The following UGT1A4 variants were observed in gnomAD, a reference collection of about 807,000 sequenced individuals.
UGT1A4 encodes UDP-glucuronosyltransferase 1A4.
UGT1A4 carries 32 observed loss-of-function variants against 41.1 expected under a neutral mutation model. The ratio of observed to expected loss-of-function variants is 0.78; its 90% CI spans 0.59 to 1.05. The LOEUF (loss-of-function observed/expected upper bound fraction) is 1.05, where lower values mean the gene tolerates loss of function less well. UGT1A4 is among the 50% of genes least tolerant of loss of function. UGT1A4 has a pLI of 0.00. For synonymous variants in UGT1A4, 283 were observed against 265.1 expected, an observed-to-expected ratio of 1.07 and a Z score of -0.66; for missense variants, 748 against 677.4, an observed-to-expected ratio of 1.10 and a Z score of -1.16.
chr2:233,734,458 A>G lies in UGT1A4; in HGVS notation c.867+14771A>G, dbSNP rs561790564. On this transcript the variant is annotated intron_variant, in intron 1 of 4. Coordinates refer to ENST00000373409, the MANE Select transcript of UGT1A4 (RefSeq NM_007120.3). ...TGCCAGAGGTCTATCAATTTTCAAAATCCATCTCCTGGATTCATTGATTTT... is the reference window on the plus strand; with the variant it reads ...TGCCAGAGGTCTATCAATTTTCAAAGTCCATCTCCTGGATTCATTGATTTT... 1.5e-3 allele frequency among the ~76,000 whole-genome samples: 233 copies of G among 152,160 alleles called. 2 individuals carry two copies. The highest frequency in any genetic ancestry group is 5.3e-3 in the African/African-American group (218 of 41,522).
chr2:233,732,755 G>GA (rs1553614027), intron 1 of UGT1A4, among the ~76,000 whole-genome samples: 1 of 120,226 alleles, frequency 8.3e-6, no homozygotes, highest in Non-Finnish European at 1.8e-5. Flanking sequence ...CACCAGCTTT[G>GA]TTTTTTTTTT....
intron 4 of UGT1A4, 143 bp downstream of exon 4, chr2:233,768,582 CTTTTTTTTTTT>C (rs139595073): frequency 1.7e-3 from 1,723 of 1,029,514 alleles, no homozygotes; most frequent in Middle Eastern, 4.0e-3. Flanking sequence ...TTTATTTCTT[CTTTTTTTTTTT>C]TTTTTTTTTT....
chr2:233,750,415 A>C (rs2885296), intron 1 of UGT1A4, among the ~76,000 whole-genome samples: 45,966 of 151,754 alleles, frequency 0.3, 7,352 homozygotes, highest in South Asian at 0.39. Context: ...CATGTGGTAG[A>C]AAAGAAAAAC....
chr2:233,762,997 ATCATT>A (rs1212266483), intron 1 of UGT1A4, among the ~76,000 whole-genome samples: 2 of 152,206 alleles, frequency 1.3e-5, no homozygotes, highest in African/African-American at 4.8e-5. Context: ...GAAATTGATT[ATCATT>A]TCATTATTTT....
At position 233,772,856 on chromosome 2, in the gene UGT1A4, A is replaced by G; in HGVS notation, c.*297A>G. On this transcript the variant is annotated 3_prime_UTR_variant, in exon 5 of 5. Transcript: ENST00000373409. ...TCTAGATTACTTTTCTTACTCTGAA[A>G]CATGGCCTGTTTGGGAGTGCGGGAT... The G allele has an allele frequency of 2.7e-6, 2 of 727,580 alleles. No individual in the cohort carries two copies. The highest frequency in any genetic ancestry group is 4.2e-5 in the South Asian group (2 of 48,166). The allele number at this position is 727,580 out of a possible 1,614,324, so 45.1% of individuals were successfully genotyped here.
chr2:233,766,981 G>C lies in UGT1A4; in HGVS notation c.868-53G>C, dbSNP rs1699300845. On this transcript the variant is annotated intron_variant, in intron 1 of 4. Coordinates refer to ENST00000373409, the MANE Select transcript of UGT1A4 (RefSeq NM_007120.3). Reference sequence around the variant, plus strand: ...TCTAATTCATAACTTACTGTATGTAGTCATCAAAGAATATGAGAAAAAATT... The same window carrying C: ...TCTAATTCATAACTTACTGTATGTACTCATCAAAGAATATGAGAAAAAATT... 1.9e-6 allele frequency: 3 copies of C among 1,612,648 alleles called. No individual in the cohort carries two copies. In the East Asian group the frequency reaches 6.7e-5, roughly 36 times the overall value.
chr2:233,764,444 A>G (rs1698561692), intron 1 of UGT1A4, among the ~76,000 whole-genome samples: 2 of 152,188 alleles, frequency 1.3e-5, no homozygotes, highest in African/African-American at 4.8e-5. Context: ...CTTTTGTGCC[A>G]TTTAAACTTT....
intron 1 of UGT1A4, among the ~76,000 whole-genome samples, chr2:233,761,404 T>C (rs1310235983): frequency 6.6e-6 from 1 of 152,228 alleles, no homozygotes; most frequent in East Asian, 1.9e-4. Flanking sequence ...TAGTAATCAA[T>C]TAGAAACAAC....
intron 1 of UGT1A4, among the ~76,000 whole-genome samples, chr2:233,738,023 C>T (rs1271674048): frequency 2.6e-5 from 4 of 151,816 alleles, no homozygotes. Context: ...AATTGTAATC[C>T]CCATAATCCC....
chr2:233,732,054 CA>C (rs1380241108), intron 1 of UGT1A4, among the ~76,000 whole-genome samples: 13 of 152,278 alleles, frequency 8.5e-5, no homozygotes, highest in Non-Finnish European at 4.4e-5. Flanking sequence ...AGCATTTATT[CA>C]TGTGTCTGTT....
At chr2:233,728,889 G>A (rs182630542) in intron 1 of UGT1A4, among the ~76,000 whole-genome samples, 41 of 152,264 alleles carry the variant, frequency 2.7e-4, no homozygotes, top group African/African-American at 9.4e-4. Context: ...TCCCCAGAGT[G>A]AGCACAGGGT....
chr2:233,725,092 C>T (rs1421040680), intron 1 of UGT1A4, among the ~76,000 whole-genome samples: 3 of 144,372 alleles, frequency 2.1e-5, no homozygotes, highest in African/African-American at 7.9e-5. Flanking sequence ...CAGGCTGAGG[C>T]AGGAGAATCA....
rs1347368179 is a variant in UGT1A4, at chr2:233,718,777, C to T, written c.-44C>T. On this transcript the variant is annotated 5_prime_UTR_variant, in exon 1 of 5. Coordinates refer to ENST00000373409, the MANE Select transcript of UGT1A4 (RefSeq NM_007120.3). Reference sequence around the variant, plus strand: ...AGGCGAAGGAAACAAATGTAGCAGGCACAGCGTGGGGTGGACAGTCAGCTG... The same window carrying T: ...AGGCGAAGGAAACAAATGTAGCAGGTACAGCGTGGGGTGGACAGTCAGCTG... 6.2e-6 allele frequency: 10 copies of T among 1,612,914 alleles called. No individual in the cohort carries two copies. Among genetic ancestry groups the T allele is most frequent in the Non-Finnish European group, 8.5e-6 (10 of 1,179,998 alleles).
At chr2:233,728,679 GAA>G (rs1247668399) in intron 1 of UGT1A4, among the ~76,000 whole-genome samples, 1 of 152,248 alleles carries the variant, frequency 6.6e-6, no homozygotes, top group Non-Finnish European at 1.5e-5. Flanking sequence ...TACATGAGAA[GAA>G]AGTTTCAAGG....
chr2:233,729,506 C>G lies in UGT1A4; in HGVS notation c.867+9819C>G, dbSNP rs192895083. ...AATATGTCTTTGGTCTATCATAGGT[C>G]TTGTGTGGAGCTACTACATAATGAG... On this transcript the variant is annotated intron_variant, in intron 1 of 4. Transcript: ENST00000373409. The G allele has an allele frequency of 6.7e-5, 108 of 1,614,162 alleles. No homozygotes were observed. Among genetic ancestry groups the G allele is most frequent in the Non-Finnish European group, 8.6e-5 (102 of 1,180,030 alleles).
At position 233,730,729 on chromosome 2, in the gene UGT1A4, C is replaced by T. The variant is rs45468195; in HGVS notation, c.867+11042C>T. ...GAATGCTGAAATTATCAAGAAATGG[C>T]GGAAGGGGCTAGGGAGGAGATAAGA... On this transcript the variant is annotated intron_variant, in intron 1 of 4. Transcript: ENST00000373409. Among the ~76,000 whole-genome samples the T allele has an allele frequency of 9.2e-3, 1,399 of 152,090 alleles. 32 individuals carry two copies. The highest frequency in any genetic ancestry group is 0.032 in the African/African-American group (1,309 of 41,466).
At chr2:233,731,616 A>C (rs1404847931) in intron 1 of UGT1A4, among the ~76,000 whole-genome samples, 2 of 152,182 alleles carry the variant, frequency 1.3e-5, no homozygotes, top group Non-Finnish European at 2.9e-5. Flanking sequence ...ACATGAACTC[A>C]TCCTTTTTTA....
Position 233,755,093 on chromosome 2 carries a change from C to G in UGT1A4, c.868-11941C>G, listed in dbSNP as rs566230339. On this transcript the variant is annotated intron_variant, in intron 1 of 4. Transcript: ENST00000373409. ...AGCGGTCATAGATATCGCGTTTCTA[C>G]GCGTCCGACAACACCTCGTAGGCCT... The G allele has an allele frequency of 5.8e-4, 775 of 1,335,150 alleles. 7 individuals carry two copies. Among genetic ancestry groups the G allele is most frequent in the Non-Finnish European group, 7.2e-4 (713 of 992,692 alleles). The allele number at this position is 1,335,150 out of a possible 1,614,324, so 82.7% of individuals were successfully genotyped here. A position where few individuals can be genotyped will look rare whatever the true frequency, so the allele number is the denominator to read the frequency against.
At chr2:233,736,819 A>G (rs1408974835) in intron 1 of UGT1A4, among the ~76,000 whole-genome samples, 1 of 152,184 alleles carries the variant, frequency 6.6e-6, no homozygotes, top group Non-Finnish European at 1.5e-5. Context: ...TCCACTCCAG[A>G]TGCTCTTTGC....
Sources: gnomAD v4.1 joint callset for allele counts (sites outside exome capture counted in the v4.1 genomes callset) on GRCh38, gnomAD v4.1.1 for gene constraint, MANE v1.5 for transcripts, NCBI Gene and HGNC (gene_info 2026-07-23, HGNC 2026-07-21) for gene names.